SHLD1: variants seen among roughly 807,000 people sequenced by gnomAD.
SHLD1 encodes RINN1-REV7-interacting novel NHEJ regulator 3.
A neutral mutation model predicts 5.5 loss-of-function variants in SHLD1; 3 were observed. That is an observed-to-expected ratio of 0.54 (90% CI 0.25 to 1.40). The LOEUF (loss-of-function observed/expected upper bound fraction) is 1.40. Among genes scored for constraint, SHLD1 ranks in the 40% most tolerant of loss-of-function variants. SHLD1 has a pLI of 0.15. For missense variants in SHLD1, 210 were observed against 244.4 expected, an observed-to-expected ratio of 0.86 and a Z score of 0.94; for synonymous variants, 92 against 94.3, an observed-to-expected ratio of 0.98 and a Z score of 0.14.
chr20:5,833,789 A>AAAAGAGAGAG, intron 2 of SHLD1, among the ~76,000 whole-genome samples: 1 of 142,490 alleles, frequency 7.0e-6, no homozygotes, highest in South Asian at 2.3e-4. Flanking sequence ...GATAGGGAGA[A>AAAAGAGAGAG]AAAGAGAGAG....
rs35341763 is a variant in SHLD1, at chr20:5,756,288, CA to C, written c.-5+5821del. 7.4e-3 allele frequency among the ~76,000 whole-genome samples: 1,034 copies of C among 140,396 alleles called. 29 individuals carry two copies. The highest frequency in any genetic ancestry group is 0.053 in the Admixed American group (743 of 14,044). 92.1% of individuals were successfully genotyped at this position (140,396 alleles called of 152,430 possible). ...CAATATAGTGAGACCCCCATCTTTA[CA>C]AAAAAAAAAAATTTTTAAGCATTAT... On this transcript the variant is annotated intron_variant, in intron 1 of 2. Coordinates refer to ENST00000303142, the MANE Select transcript of SHLD1 (RefSeq NM_152504.4).
At chr20:5,803,663 G>A (rs2087330750) in intron 2 of SHLD1, among the ~76,000 whole-genome samples, 1 of 152,004 alleles carries the variant, frequency 6.6e-6, no homozygotes, top group South Asian at 2.1e-4. Context: ...AAGGTCAAGA[G>A]ATCGAGACCA....
intron 2 of SHLD1, among the ~76,000 whole-genome samples, chr20:5,817,432 C>CTCTCTCTCTCTCTGTGTGTGTGTGTG (rs1473391202): frequency 3.5e-5 from 3 of 85,662 alleles, no homozygotes; most frequent in African/African-American, 1.7e-4. Flanking sequence ...CTCTCTCTCT[C>CTCTCTCTCTCTCTGTGTGTGTGTGTG]TGTGTGTGTG....
At chr20:5,768,048 C>A (rs1451693043) in intron 1 of SHLD1, among the ~76,000 whole-genome samples, 1 of 142,902 alleles carries the variant, frequency 7.0e-6, no homozygotes, top group Admixed American at 7.0e-5. Context: ...GATCTCGGCT[C>A]ACTGCGACCT....
chr20:5,785,086 A>C (rs565747939), intron 2 of SHLD1, among the ~76,000 whole-genome samples: 1 of 152,180 alleles, frequency 6.6e-6, no homozygotes, highest in African/African-American at 2.4e-5. Context: ...AAATACAAGG[A>C]AACAACTTGA....
At chr20:5,779,162 A>G (rs1249595490) in intron 2 of SHLD1, among the ~76,000 whole-genome samples, 1 of 151,584 alleles carries the variant, frequency 6.6e-6, no homozygotes, top group East Asian at 1.9e-4. Context: ...AGATGACACT[A>G]CTGCACTCTA....
At chr20:5,827,264 G>A (rs917759243) in intron 2 of SHLD1, among the ~76,000 whole-genome samples, 7 of 152,172 alleles carry the variant, frequency 4.6e-5, no homozygotes, top group Non-Finnish European at 8.8e-5. Context: ...AGCCCAGGAA[G>A]GGATCCAAGG....
In SHLD1 at chr20:5,864,387, C is replaced by T. The variant is rs1042368539; in HGVS notation, c.*924C>T. 2.6e-5 allele frequency among the ~76,000 whole-genome samples: 4 copies of T among 152,202 alleles called. No individual in the cohort carries two copies. The highest frequency in any genetic ancestry group is 9.6e-5 in the African/African-American group (4 of 41,454). On this transcript the variant is annotated 3_prime_UTR_variant, in exon 3 of 3. Coordinates refer to ENST00000303142, the MANE Select transcript of SHLD1 (RefSeq NM_152504.4). Reference sequence around the variant, plus strand: ...TTGTGTTTGAAGAGAATAAATAATCCTTTGCCCAGGTGGGGCCCTACTTTC... The same window carrying T: ...TTGTGTTTGAAGAGAATAAATAATCTTTTGCCCAGGTGGGGCCCTACTTTC...
chr20:5,826,445 CAAAAA>C (rs77355613), intron 2 of SHLD1, among the ~76,000 whole-genome samples: 1 of 122,450 alleles, frequency 8.2e-6, no homozygotes, highest in Non-Finnish European at 1.8e-5. Context: ...TATGCACTGT[CAAAAA>C]AAAAAAAAAG....
intron 1 of SHLD1, among the ~76,000 whole-genome samples, chr20:5,763,762 G>C (rs1266067091): frequency 6.6e-6 from 1 of 151,870 alleles, no homozygotes; most frequent in African/African-American, 2.4e-5. Flanking sequence ...CTTCTAAACT[G>C]ATTGAGACCT....
intron 2 of SHLD1, among the ~76,000 whole-genome samples, chr20:5,820,303 C>T (rs1196880855): frequency 6.6e-6 from 1 of 152,206 alleles, no homozygotes; most frequent in African/African-American, 2.4e-5. Flanking sequence ...CTGATGGTTC[C>T]CTGCACCATG....
intron 2 of SHLD1, among the ~76,000 whole-genome samples, chr20:5,825,848 T>C (rs2087659418): frequency 6.6e-6 from 1 of 152,264 alleles, no homozygotes; most frequent in Non-Finnish European, 1.5e-5. Flanking sequence ...GCAAGAGACC[T>C]TAAATGATAT....
chr20:5,759,590 G>C (rs1248633653), intron 1 of SHLD1, among the ~76,000 whole-genome samples: 1 of 152,086 alleles, frequency 6.6e-6, no homozygotes, highest in Non-Finnish European at 1.5e-5. Context: ...CTGGAGTGCA[G>C]TGGCATAATC....
chr20:5,758,909 A>T (rs1984291489), intron 1 of SHLD1, among the ~76,000 whole-genome samples: 1 of 146,688 alleles, frequency 6.8e-6, no homozygotes, highest in Non-Finnish European at 1.5e-5. Context: ...AGGAGAGCAG[A>T]TGTCAAATGT....
chr20:5,816,762 T>C (rs1198374548), intron 2 of SHLD1, among the ~76,000 whole-genome samples: 1 of 152,212 alleles, frequency 6.6e-6, no homozygotes, highest in Non-Finnish European at 1.5e-5. Context: ...TCATACATTA[T>C]GTTTTCCTTT....
At chr20:5,815,871 G>T (rs915775814) in intron 2 of SHLD1, among the ~76,000 whole-genome samples, 1 of 152,040 alleles carries the variant, frequency 6.6e-6, no homozygotes, top group South Asian at 2.1e-4. Context: ...GCTTGAGGCC[G>T]GGAGTTTGAG....
rs185769037 is a variant in SHLD1 at position 5,806,382 on chromosome 20, G to A, written c.178+33339G>A. The stretch of plus-strand genomic sequence containing the variant: ...AAACTAGAACATTTGCTTATCTCCC[G>A]TCCCTCTATCACTTACCCCATCCTT... On this transcript the variant is annotated intron_variant, in intron 2 of 2. Transcript: ENST00000303142. The surrounding 1 kb of genome is among the most constrained non-coding windows in gnomAD (Gnocchi z 7.6). 3.2e-4 allele frequency among the ~76,000 whole-genome samples: 49 copies of A among 152,172 alleles called. No individual in the cohort carries two copies. The highest frequency in any genetic ancestry group is 2.3e-3 in the Admixed American group (35 of 15,288).
At chr20:5,787,841 A>G (rs932718930) in intron 2 of SHLD1, among the ~76,000 whole-genome samples, 1 of 152,256 alleles carries the variant, frequency 6.6e-6, no homozygotes, top group Non-Finnish European at 1.5e-5. Flanking sequence ...GTAGGATAAT[A>G]TAACATTTCT....
intron 2 of SHLD1, among the ~76,000 whole-genome samples, chr20:5,780,437 AATC>A (rs1227445134): frequency 6.6e-6 from 1 of 152,120 alleles, no homozygotes; most frequent in African/African-American, 2.4e-5. Flanking sequence ...AATACCCAGA[AATC>A]CAGGCAGGTG....
Sources: gnomAD v4.1 joint callset for allele counts (sites outside exome capture counted in the v4.1 genomes callset) on GRCh38, gnomAD v4.1.1 for gene constraint, Gnocchi (gnomAD v3.1) non-coding constraint, MANE v1.5 for transcripts, NCBI Gene and HGNC (gene_info 2026-07-23, HGNC 2026-07-21) for gene names.